RALGAPA2: variants seen among roughly 807,000 people sequenced by gnomAD.
RALGAPA2 encodes Ral GTPase activating protein catalytic subunit alpha 2, also known as ral GTPase-activating protein subunit alpha-2.
A neutral mutation model predicts 230.4 loss-of-function variants in RALGAPA2; 139 were observed. The ratio of observed to expected loss-of-function variants is 0.60; its 90% CI spans 0.53 to 0.69. The LOEUF (loss-of-function observed/expected upper bound fraction) is 0.69, where lower values mean the gene tolerates loss of function less well. Among genes scored for constraint, RALGAPA2 ranks in the 30% least tolerant of loss-of-function variants. The probability of loss-of-function intolerance (pLI) is 0.00; values close to 1 mark genes in which losing one functional copy is unlikely to be tolerated. For synonymous variants in RALGAPA2, 847 were observed against 837.8 expected (o/e 1.01, Z -0.19); for missense variants, 2,163 against 2,276.0 (o/e 0.95, Z 1.01).
intron 4 of RALGAPA2, among the ~76,000 whole-genome samples, chr20:20,650,175 C>G (rs2067350300): frequency 6.6e-6 from 1 of 152,088 alleles, no homozygotes; most frequent in East Asian, 1.9e-4. Context: ...AAATATGTTT[C>G]CTCATTCAAC....
chr20:20,434,292 C>G (rs546663456), intron 37 of RALGAPA2, among the ~76,000 whole-genome samples: 1 of 152,028 alleles, frequency 6.6e-6, no homozygotes, highest in Admixed American at 6.6e-5. Flanking sequence ...GTGGGGGTCC[C>G]GGGAAAAGTG....
At chr20:20,659,655 C>T (rs2067703627) in intron 3 of RALGAPA2, 2 of 306,038 alleles carry the variant, frequency 6.5e-6, no homozygotes, top group African/African-American at 2.2e-5. Flanking sequence ...CATAAGACAA[C>T]ATCCTAAAAA....
intron 37 of RALGAPA2, among the ~76,000 whole-genome samples, chr20:20,470,091 C>T (rs1293470747): frequency 1.3e-5 from 2 of 152,078 alleles, no homozygotes; most frequent in Non-Finnish European, 2.9e-5. Context: ...TTTCAGTCTT[C>T]TATGTGCCTT....
intron 37 of RALGAPA2, among the ~76,000 whole-genome samples, chr20:20,466,656 T>A (rs2061427675): frequency 6.6e-6 from 1 of 152,176 alleles, no homozygotes; most frequent in Non-Finnish European, 1.5e-5. Flanking sequence ...CAGGCCGTAG[T>A]TCCTGTGACT....
intron 23 of RALGAPA2, among the ~76,000 whole-genome samples, chr20:20,550,022 C>T (rs907403985): frequency 1.6e-4 from 24 of 152,064 alleles, no homozygotes; most frequent in Non-Finnish European, 1.5e-5. Flanking sequence ...TTTTGGGGAA[C>T]AGGCGCTATT....
chr20:20,590,028 G>A (rs953128239), intron 17 of RALGAPA2, among the ~76,000 whole-genome samples: 3 of 150,734 alleles, frequency 2.0e-5, no homozygotes, highest in African/African-American at 7.3e-5. Context: ...AATATAATAT[G>A]TATAATATAT....
chr20:20,504,607 T>C (rs578031427), intron 34 of RALGAPA2, among the ~76,000 whole-genome samples: 113 of 152,136 alleles, frequency 7.4e-4, no homozygotes, highest in African/African-American at 2.6e-3. Context: ...GTGCCTGTAG[T>C]CCCAGCTACT....
At chr20:20,573,110 G>C in intron 20 of RALGAPA2, 42 bp from the exon 21 acceptor site, 1 of 1,440,212 alleles carries the variant, frequency 6.9e-7, no homozygotes, top group Non-Finnish European at 9.3e-7. Context: ...AAACAATCTT[G>C]ATTTCATCAT....
intron 7 of RALGAPA2, among the ~76,000 whole-genome samples, chr20:20,639,403 GC>G (rs1438660313): frequency 1.3e-5 from 2 of 152,192 alleles, no homozygotes; most frequent in Admixed American, 1.3e-4. Flanking sequence ...CATAAAGGAG[GC>G]CTGTGCCAAT....
chr20:20,605,268 C>T lies in RALGAPA2; in HGVS notation c.1945G>A (p.Ala649Thr). 1 of 1,613,854 alleles carries T rather than the reference C, an allele frequency of 6.2e-7. No individual in the cohort carries two copies. Among genetic ancestry groups the T allele is most frequent in the South Asian group, 1.1e-5 (1 of 91,076 alleles). The change falls in exon 15 of 40, where the codon GCA becomes ACA. Residue 649 changes from alanine to threonine, a missense_variant. Transcript: ENST00000202677. ...EWANIMDSLT[A>T]VLARTVYGVE... is the part of the protein sequence containing the mutation. Reference sequence around the variant, plus strand: ...CCATAAACGGTTCTTGCAAGCACTGCTGTCAAGGAGTCCATAATGTTGGCC... The same window carrying T: ...CCATAAACGGTTCTTGCAAGCACTGTTGTCAAGGAGTCCATAATGTTGGCC...
intron 13 of RALGAPA2, among the ~76,000 whole-genome samples, chr20:20,615,301 C>G (rs1358323549): frequency 6.6e-6 from 1 of 151,964 alleles, no homozygotes; most frequent in Non-Finnish European, 1.5e-5. Flanking sequence ...GCTGGGATCA[C>G]AGGCAAGTGC....
At chr20:20,578,973 A>T (rs1249664674) in intron 20 of RALGAPA2, among the ~76,000 whole-genome samples, 1 of 152,142 alleles carries the variant, frequency 6.6e-6, no homozygotes, top group Non-Finnish European at 1.5e-5. Flanking sequence ...ATATTTCATG[A>T]CTTCGAAACA....
At position 20,458,755 on chromosome 20, in the gene RALGAPA2, C is replaced by CACCTATATATATAG. The variant is rs1569417929; in HGVS notation, c.5495+14073_5495+14074insCTATATATATAGGT. Among the ~76,000 whole-genome samples, 21 of 1,176 alleles carry CACCTATATATATAG rather than the reference C, an allele frequency of 0.018. 1 individual carries two copies. In the South Asian group the frequency reaches 0.33, roughly 18 times the overall value. 0.8% of individuals were successfully genotyped at this position (1,176 alleles called of 152,430 possible). ...ACACACCTATATATATATACATACACACCTATATATATATAGACCTATATA... is the reference window on the plus strand; with the variant it reads ...ACACACCTATATATATATACATACACACCTATATATATAGACCTATATATATATAGACCTATATA... On this transcript the variant is annotated intron_variant, in intron 37 of 39. Transcript: ENST00000202677.
intron 5 of RALGAPA2, among the ~76,000 whole-genome samples, chr20:20,642,455 C>T (rs1375539593): frequency 1.3e-5 from 2 of 152,160 alleles, no homozygotes; most frequent in Non-Finnish European, 2.9e-5. Context: ...AGGCAATTTG[C>T]CTGCCTCGGC....
At chr20:20,556,132 G>A (rs2064075934) in intron 23 of RALGAPA2, among the ~76,000 whole-genome samples, 1 of 152,200 alleles carries the variant, frequency 6.6e-6, no homozygotes, top group African/African-American at 2.4e-5. Context: ...AGTGCTTTCT[G>A]CAAGGATGCT....
chr20:20,503,003 C>T (rs550478217), intron 35 of RALGAPA2, among the ~76,000 whole-genome samples: 1 of 152,146 alleles, frequency 6.6e-6, no homozygotes, highest in Non-Finnish European at 1.5e-5. Context: ...GGCGGCTGAG[C>T]AGCTGCACAC....
At chr20:20,678,150 G>A (rs530026866) in intron 2 of RALGAPA2, among the ~76,000 whole-genome samples, 4 of 152,112 alleles carry the variant, frequency 2.6e-5, no homozygotes, top group East Asian at 1.9e-4. Flanking sequence ...CAATAACTCC[G>A]GAGTTTTGGC....
At chr20:20,697,660 T>A (rs2069171914) in intron 1 of RALGAPA2, among the ~76,000 whole-genome samples, 1 of 152,082 alleles carries the variant, frequency 6.6e-6, no homozygotes, top group Non-Finnish European at 1.5e-5. Flanking sequence ...GGTACAGGAA[T>A]GGGTACAGGC....
chr20:20,602,844 GTA>G (rs1043264228), intron 15 of RALGAPA2, among the ~76,000 whole-genome samples: 19 of 148,830 alleles, frequency 1.3e-4, no homozygotes, highest in Non-Finnish European at 2.1e-4. Context: ...GTGTGTGTGT[GTA>G]GTGTATGCAC....
Sources: gnomAD v4.1 joint callset for allele counts (sites outside exome capture counted in the v4.1 genomes callset) on GRCh38, gnomAD v4.1.1 for gene constraint, MANE v1.5 for transcripts, NCBI Gene and HGNC (gene_info 2026-07-23, HGNC 2026-07-21) for gene names.